MTCL1: variants seen among roughly 807,000 people sequenced by gnomAD.
MTCL1 encodes microtubule cross-linking factor 1.
Under a neutral mutation model 141.4 loss-of-function variants are expected in MTCL1, and 79 were observed. That is an observed-to-expected ratio of 0.56 (90% confidence interval 0.47 to 0.67). The LOEUF is 0.67. Among genes scored for constraint, MTCL1 ranks in the 30% least tolerant of loss-of-function variants. The pLI, the probability that MTCL1 is intolerant of heterozygous loss-of-function variation, is 0.00. For synonymous variants in MTCL1, 914 were observed against 875.8 expected (o/e 1.04, Z -0.77); for missense variants, 2,177 against 2,113.9 (o/e 1.03, Z -0.59).
intron 11 of MTCL1, among the ~76,000 whole-genome samples, chr18:8,812,638 C>T (rs1234339869): frequency 6.6e-6 from 1 of 152,158 alleles, no homozygotes; most frequent in Non-Finnish European, 1.5e-5. Flanking sequence ...TGTCCCATCC[C>T]TAGGTTCCAT....
intron 7 of MTCL1, among the ~76,000 whole-genome samples, chr18:8,787,925 TC>T (rs2075574936): frequency 6.6e-6 from 1 of 152,204 alleles, no homozygotes; most frequent in Non-Finnish European, 1.5e-5. Context: ...GGCCGCCCTG[TC>T]CCTGGTGTGA....
At chr18:8,728,408 C>T (rs1193506794) in intron 4 of MTCL1, among the ~76,000 whole-genome samples, 1 of 152,010 alleles carries the variant, frequency 6.6e-6, no homozygotes, top group Non-Finnish European at 1.5e-5. Flanking sequence ...TATCTTTTGG[C>T]TCATTTTGCT....
At chr18:8,736,866 T>A (rs952380494) in intron 4 of MTCL1, among the ~76,000 whole-genome samples, 1 of 152,128 alleles carries the variant, frequency 6.6e-6, no homozygotes, top group Non-Finnish European at 1.5e-5. Flanking sequence ...GGTCTCGATC[T>A]CCTGACCTCG....
intron 4 of MTCL1, among the ~76,000 whole-genome samples, chr18:8,738,002 C>T (rs1236183329): frequency 6.6e-6 from 1 of 152,166 alleles, no homozygotes; most frequent in East Asian, 1.9e-4. Flanking sequence ...TTTCTGATTT[C>T]TCCTTCAATA....
intron 4 of MTCL1, among the ~76,000 whole-genome samples, chr18:8,734,068 A>G (rs1316348712): frequency 6.6e-6 from 1 of 152,106 alleles, no homozygotes; most frequent in African/African-American, 2.4e-5. Flanking sequence ...TGCTAGAGGA[A>G]TCACTTGAGT....
intron 11 of MTCL1, chr18:8,809,677 C>T (rs1407415597): frequency 8.9e-6 from 13 of 1,453,896 alleles, no homozygotes; most frequent in African/African-American, 1.4e-5. Flanking sequence ...GTTCATGAGA[C>T]GCCGTGGAGC....
At chr18:8,721,447 AAAAC>A (rs2096171764) in intron 4 of MTCL1, among the ~76,000 whole-genome samples, 2 of 92,356 alleles carry the variant, frequency 2.2e-5, no homozygotes, top group East Asian at 2.8e-4. Context: ...CACAGATAAC[AAAAC>A]AAACAAATCA....
At chr18:8,770,195 G>GT (rs1269019572) in intron 4 of MTCL1, among the ~76,000 whole-genome samples, 1 of 152,204 alleles carries the variant, frequency 6.6e-6, no homozygotes, top group Non-Finnish European at 1.5e-5. Context: ...TCCAAGTTTA[G>GT]GGGATCTTGA....
Position 8,758,553 on chromosome 18 carries a change from A to G in MTCL1, c.358-19280A>G, listed in dbSNP as rs550904850. Among the ~76,000 whole-genome samples, 47 of 152,368 alleles carry G rather than the reference A, an allele frequency of 3.1e-4. 1 individual carries two copies. Among genetic ancestry groups the G allele is most frequent in the African/African-American group, 1.1e-3 (47 of 41,580 alleles). On this transcript the variant is annotated intron_variant, in intron 4 of 16. Coordinates refer to ENST00000359865, the Ensembl canonical transcript of MTCL1. ...TTCAGGTTGATTAATCTCACCTGTGATAAGCATAGTGCTTCTGCTTTAGGA... is the reference window on the plus strand; with the variant it reads ...TTCAGGTTGATTAATCTCACCTGTGGTAAGCATAGTGCTTCTGCTTTAGGA...
At chr18:8,747,370 G>C (rs2096344604) in intron 4 of MTCL1, among the ~76,000 whole-genome samples, 1 of 151,606 alleles carries the variant, frequency 6.6e-6, no homozygotes, top group Non-Finnish European at 1.5e-5. Flanking sequence ...GGGGGCTGCA[G>C]TCCAAGATCA....
intron 10 of MTCL1, among the ~76,000 whole-genome samples, chr18:8,801,438 G>A (rs906968082): frequency 6.6e-6 from 1 of 151,930 alleles, no homozygotes. Flanking sequence ...CCTATAAGGC[G>A]TGCTACTCTT....
intron 10 of MTCL1, 55 bp from the exon 10 acceptor site, chr18:8,806,838 G>A: frequency 6.3e-7 from 1 of 1,577,450 alleles, no homozygotes; most frequent in Non-Finnish European, 8.6e-7. Context: ...CTCCTCTTCT[G>A]ACCTAAAAAA....
chr18:8,784,825 G>C lies in MTCL1; in HGVS notation c.1713G>C (p.Glu571Asp), dbSNP rs149618481. The C allele has an allele frequency of 2.0e-5, 32 of 1,600,768 alleles. 1 individual carries two copies. Among genetic ancestry groups the C allele is most frequent in the South Asian group, 3.3e-5 (3 of 89,946 alleles). Reference sequence around the variant, plus strand: ...CCCCCATCGGGAACCTGGGGAAGGAGCTGGGCCCAGACTTGCAGGTAAGGG... The same window carrying C: ...CCCCCATCGGGAACCTGGGGAAGGACCTGGGCCCAGACTTGCAGGTAAGGG... Residue 571 changes from glutamate (E) to aspartate (D), a missense_variant, in exon 6 of 17, where the codon GAG becomes GAC. Transcript: ENST00000359865.
intron 4 of MTCL1, among the ~76,000 whole-genome samples, chr18:8,756,350 T>C (rs956621965): frequency 6.8e-6 from 1 of 146,886 alleles, no homozygotes; most frequent in Non-Finnish European, 1.5e-5. Flanking sequence ...TGTATATATA[T>C]GTGTATATAT....
chr18:8,783,709 C>T (rs1379961949), exon 6 of MTCL1: 2 of 1,607,490 alleles, frequency 1.2e-6, no homozygotes, highest in East Asian at 2.2e-5. Flanking sequence ...CAGGCGGGCC[C>T]CCCAGCACCC....
chr18:8,772,988 G>T lies in MTCL1; in HGVS notation c.358-4845G>T, dbSNP rs2096491075. On this transcript the variant is annotated intron_variant, in intron 4 of 16. Transcript: ENST00000359865. The stretch of plus-strand genomic sequence containing the variant: ...GGTTATGTTGATTTGCCTAACTGTA[G>T]CAATCATTTCACTATGTGTATTCTG... 1.3e-5 allele frequency among the ~76,000 whole-genome samples: 2 copies of T among 152,052 alleles called. 1 individual carries two copies. The highest frequency in any genetic ancestry group is 4.1e-4 in the South Asian group (2 of 4,820).
chr18:8,732,250 A>G (rs562890039), intron 4 of MTCL1, among the ~76,000 whole-genome samples: 28 of 151,862 alleles, frequency 1.8e-4, no homozygotes, highest in Middle Eastern at 6.8e-3. Context: ...ACACCCGGCT[A>G]ATTTTTTTGA....
intron 6 of MTCL1, chr18:8,785,659 T>G (rs549029081): frequency 8.8e-6 from 4 of 452,520 alleles, no homozygotes; most frequent in African/African-American, 2.0e-5. Flanking sequence ...ACCAGTGTTT[T>G]GCACCCCCAC....
At chr18:8,774,276 A>G (rs201067968) in intron 4 of MTCL1, among the ~76,000 whole-genome samples, 37 of 93,752 alleles carry the variant, frequency 3.9e-4, no homozygotes, top group Middle Eastern at 7.4e-3. Context: ...GTGTGTGTGT[A>G]TTTTTTTTTA....
Sources: allele counts gnomAD v4.1 joint callset (sites outside exome capture counted in the v4.1 genomes callset), GRCh38; gene constraint gnomAD v4.1.1; transcripts MANE v1.5; gene names NCBI Gene and HGNC (gene_info 2026-07-23, HGNC 2026-07-21).